The following RASGEF1C variants were observed in gnomAD, a reference collection of about 807,000 sequenced individuals.
The protein encoded by RASGEF1C is ras-GEF domain-containing family member 1C.
In RASGEF1C, 27 loss-of-function variants were observed where a neutral mutation model predicts 58.1. The ratio of observed to expected loss-of-function variants is 0.46; its 90% CI spans 0.34 to 0.64. The LOEUF (loss-of-function observed/expected upper bound fraction) is 0.64. Among genes scored for constraint, RASGEF1C ranks in the 30% least tolerant of loss-of-function variants. RASGEF1C has a pLI of 0.01. For synonymous variants in RASGEF1C, 243 were observed against 246.3 expected, an observed-to-expected ratio of 0.99 and a Z score of 0.13; for missense variants, 502 against 605.1, an observed-to-expected ratio of 0.83 and a Z score of 1.79.
At chr5:180,121,674 CACA>C (rs1355776555) in intron 6 of RASGEF1C, among the ~76,000 whole-genome samples, 10 of 52,436 alleles carry the variant, frequency 1.9e-4, no homozygotes, top group African/African-American at 5.5e-4. Context: ...CACACACACA[CACA>C]CACACCCTCA....
intron 12 of RASGEF1C, among the ~76,000 whole-genome samples, chr5:180,110,037 C>T (rs994236860): frequency 5.9e-5 from 9 of 152,194 alleles, no homozygotes; most frequent in Non-Finnish European, 1.5e-5. Flanking sequence ...TGTGACAGCA[C>T]CAACAGGAAA....
chr5:180,128,719 T>A, intron 4 of RASGEF1C, 109 bp from the exon 5 acceptor site: 1 of 1,134,556 alleles, frequency 8.8e-7, no homozygotes, highest in Non-Finnish European at 1.3e-6. Flanking sequence ...TTCCTCAGGG[T>A]CTCTGGAGAA....
intron 3 of RASGEF1C, chr5:180,136,828 T>G: frequency 2.5e-6 from 1 of 396,110 alleles, no homozygotes; most frequent in African/African-American, 2.1e-5. Flanking sequence ...GGGGTGGGTC[T>G]AGGTCTGTGC....
At chr5:180,122,727 G>A (rs1415172209) in intron 6 of RASGEF1C, among the ~76,000 whole-genome samples, 1 of 134,762 alleles carries the variant, frequency 7.4e-6, no homozygotes, top group Non-Finnish European at 1.6e-5. Context: ...GGAAACAAGA[G>A]CGAAACTTCA....
intron 10 of RASGEF1C, 111 bp from the exon 11 acceptor site, chr5:180,114,652 C>G: frequency 9.9e-7 from 1 of 1,009,936 alleles, no homozygotes; most frequent in Non-Finnish European, 1.5e-6. Flanking sequence ...CAGACCCGAC[C>G]CCAGGGTGCA....
Position 180,173,940 on chromosome 5 carries a change from T to C in RASGEF1C, c.-7+35088A>G, listed in dbSNP as rs866942525. Among the ~76,000 whole-genome samples, 77 of 143,178 alleles carry C rather than the reference T, an allele frequency of 5.4e-4. 1 individual carries two copies. Among genetic ancestry groups the C allele is most frequent in the African/African-American group, 1.8e-3 (69 of 38,434 alleles). The allele number at this position is 143,178 out of a possible 152,430, so 93.9% of individuals were successfully genotyped here. On this transcript the variant is annotated intron_variant, in intron 1 of 13. Transcript: ENST00000361132. ...CAACCACCAAAAAAAAAAAAAAACCTGCGCAATTTTTCATTCATTGTGATC... is the reference window on the plus strand; with the variant it reads ...CAACCACCAAAAAAAAAAAAAAACCCGCGCAATTTTTCATTCATTGTGATC...
intron 6 of RASGEF1C, among the ~76,000 whole-genome samples, chr5:180,123,841 G>A (rs1314446580): frequency 6.6e-6 from 1 of 152,096 alleles, no homozygotes; most frequent in Non-Finnish European, 1.5e-5. Context: ...AAAGAGAGGT[G>A]TAAATAATCA....
intron 1 of RASGEF1C, among the ~76,000 whole-genome samples, chr5:180,157,930 A>G (rs1766876852): frequency 6.6e-6 from 1 of 152,218 alleles, no homozygotes; most frequent in Admixed American, 6.5e-5. Flanking sequence ...AACACCAAGC[A>G]TGACCCCCTA....
At chr5:180,183,573 C>G (rs1755952203) in intron 1 of RASGEF1C, among the ~76,000 whole-genome samples, 1 of 152,002 alleles carries the variant, frequency 6.6e-6, no homozygotes, top group African/African-American at 2.4e-5. Context: ...ACCTGTAATC[C>G]CAGCACTTTG....
chr5:180,160,085 G>A (rs761274713), intron 1 of RASGEF1C, among the ~76,000 whole-genome samples: 25 of 152,200 alleles, frequency 1.6e-4, no homozygotes, highest in Non-Finnish European at 2.9e-4. Flanking sequence ...CTATGGCCTT[G>A]TTTATCCCAC....
chr5:180,174,543 TGTGTGCGTGTGTCTGTGTGTGCAC>T lies in RASGEF1C; in HGVS notation c.-7+34461_-7+34484del, dbSNP rs1161385807. Among the ~76,000 whole-genome samples the T allele has an allele frequency of 7.1e-5, 9 of 126,036 alleles. 1 individual carries two copies. Among genetic ancestry groups the T allele is most frequent in the African/African-American group, 2.8e-4 (9 of 31,684 alleles). 82.7% of individuals were successfully genotyped at this position (126,036 alleles called of 152,430 possible). On this transcript the variant is annotated intron_variant, in intron 1 of 13. Transcript: ENST00000361132. ...ACACACGTGTGTCTCTGTGTGTGCG[TGTGTGCGTGTGTCTGTGTGTGCAC>T]GTGTGTCTGTGTGTGCGCACGTGTG...
At chr5:180,159,208 C>A (rs7700645) in intron 1 of RASGEF1C, among the ~76,000 whole-genome samples, 6,653 of 150,826 alleles carry the variant, frequency 0.044, 236 homozygotes, top group South Asian at 0.094. Flanking sequence ...GGCGCGATCT[C>A]GGCTCACTGC....
chr5:180,146,670 C>T (rs954690138), intron 1 of RASGEF1C, among the ~76,000 whole-genome samples: 1 of 152,008 alleles, frequency 6.6e-6, no homozygotes, highest in Non-Finnish European at 1.5e-5. Context: ...ATAAACCTCC[C>T]TTGGTTGTGG....
At chr5:180,122,937 C>T (rs1766199856) in intron 6 of RASGEF1C, among the ~76,000 whole-genome samples, 1 of 152,014 alleles carries the variant, frequency 6.6e-6, no homozygotes, top group Non-Finnish European at 1.5e-5. Context: ...AGAACAAATT[C>T]TTATGGACTA....
chr5:180,161,301 C>T (rs936803370), intron 1 of RASGEF1C, among the ~76,000 whole-genome samples: 18 of 152,256 alleles, frequency 1.2e-4, no homozygotes, highest in African/African-American at 4.1e-4. Flanking sequence ...CTCCGCCCCG[C>T]TTCCAGAGTG....
At chr5:180,138,299 C>G in intron 1 of RASGEF1C, 1 of 388,528 alleles carries the variant, frequency 2.6e-6, no homozygotes, top group Admixed American at 4.4e-5. Context: ...CATCTCTTGT[C>G]TACTCCTCTT....
chr5:180,132,852 C>G (rs899861272), intron 4 of RASGEF1C, among the ~76,000 whole-genome samples: 6 of 152,014 alleles, frequency 3.9e-5, no homozygotes, highest in Admixed American at 2.0e-4. Context: ...GCCTGTAATC[C>G]CAGCTACTCA....
intron 1 of RASGEF1C, among the ~76,000 whole-genome samples, chr5:180,180,468 G>A (rs1371191301): frequency 6.6e-6 from 1 of 152,246 alleles, no homozygotes; most frequent in Non-Finnish European, 1.5e-5. Flanking sequence ...CATGTGCACA[G>A]TACTTAACAA....
At chr5:180,207,928 A>C (rs73338757) in intron 1 of RASGEF1C, among the ~76,000 whole-genome samples, 21 of 152,166 alleles carry the variant, frequency 1.4e-4, no homozygotes, top group African/African-American at 5.1e-4. Context: ...CCCAGCACGC[A>C]TAAGATCTTG....
Sources: allele counts gnomAD v4.1 joint callset (sites outside exome capture counted in the v4.1 genomes callset), GRCh38; gene constraint gnomAD v4.1.1; transcripts MANE v1.5; gene names NCBI Gene and HGNC (gene_info 2026-07-23, HGNC 2026-07-21).